Variants in CLDN14 observed in about 807,000 individuals in gnomAD.
The protein encoded by CLDN14 is claudin 14.
A neutral mutation model predicts 2.1 loss-of-function variants in CLDN14; 2 were observed. The observed-to-expected ratio is 0.96, with a 90% CI of 0.39 to 3.01. CLDN14 has a LOEUF of 3.01. Among genes scored for constraint, CLDN14 ranks in the 30% most tolerant of loss-of-function variants. CLDN14 has a pLI of 0.09. For synonymous variants in CLDN14, 136 were observed against 154.4 expected (o/e 0.88, Z 0.88); for missense variants, 298 against 328.0 (o/e 0.91, Z 0.71).
At chr21:36,509,711 T>A (rs1421140299) in intron 2 of CLDN14, among the ~76,000 whole-genome samples, 2 of 152,176 alleles carry the variant, frequency 1.3e-5, no homozygotes, top group African/African-American at 4.8e-5. Context: ...TTCTAATGCG[T>A]CAGCCTCCCG....
In CLDN14 at chr21:36,508,650, C is replaced by T. The variant is rs150081186; in HGVS notation, c.-82+1713G>A. ...AGAGGGCAAGCAAGCACAGAGCCAC[C>T]CTCTACAAGGACACCGGAGCACTGA... is the stretch of plus-strand genomic sequence containing the variant. On this transcript the variant is annotated intron_variant, in intron 2 of 2. Coordinates refer to the CLDN14 transcript ENST00000342108. Among the ~76,000 whole-genome samples, 1,467 of 152,300 alleles carry T rather than the reference C, an allele frequency of 9.6e-3. 7 individuals carry two copies. Among genetic ancestry groups the T allele is most frequent in the Non-Finnish European group, 0.015 (1,017 of 68,032 alleles).
chr21:36,473,994 A>C (rs2086743208), intron 1 of CLDN14, among the ~76,000 whole-genome samples: 1 of 152,216 alleles, frequency 6.6e-6, no homozygotes. Flanking sequence ...GACCTTGATA[A>C]GCTCAGTTTC....
chr21:36,466,434 T>G (rs2086647260), intron 1 of CLDN14: 1 of 152,162 alleles, frequency 6.6e-6, no homozygotes. Flanking sequence ...AAACACATCC[T>G]CTTTACATGG....
intron 1 of CLDN14, among the ~76,000 whole-genome samples, chr21:36,469,878 A>T (rs2086688454): frequency 6.6e-6 from 1 of 152,198 alleles, no homozygotes; most frequent in African/African-American, 2.4e-5. Context: ...ACTTAAATAC[A>T]TGAGTGCCTT....
chr21:36,522,628 C>T (rs555331591), intron 1 of CLDN14, among the ~76,000 whole-genome samples: 2 of 152,208 alleles, frequency 1.3e-5, no homozygotes, highest in African/African-American at 4.8e-5. Flanking sequence ...GGGAGGTAAC[C>T]GGAGAACAGC....
At chr21:36,557,096 A>G (rs890230997) in intron 1 of CLDN14, among the ~76,000 whole-genome samples, 6 of 152,196 alleles carry the variant, frequency 3.9e-5, no homozygotes, top group African/African-American at 1.4e-4. Context: ...CTCCAAATTT[A>G]TCTATGTTGT....
intron 1 of CLDN14, among the ~76,000 whole-genome samples, chr21:36,517,304 G>A (rs1364824454): frequency 6.6e-6 from 1 of 152,198 alleles, no homozygotes; most frequent in Non-Finnish European, 1.5e-5. Flanking sequence ...TACCACTATA[G>A]TGCTGAGTAG....
chr21:36,493,203 G>A (rs895155040), intron 2 of CLDN14, among the ~76,000 whole-genome samples: 2 of 152,138 alleles, frequency 1.3e-5, no homozygotes, highest in African/African-American at 4.8e-5. Context: ...GCAGCTGTGA[G>A]GGGCTGTGAG....
At chr21:36,496,633 C>G (rs1332112578) in intron 2 of CLDN14, among the ~76,000 whole-genome samples, 1 of 141,430 alleles carries the variant, frequency 7.1e-6, no homozygotes, top group Non-Finnish European at 1.5e-5. Flanking sequence ...GCTTGCAAAT[C>G]ACTCAGGATA....
chr21:36,491,114 C>T (rs2086960140), intron 2 of CLDN14, among the ~76,000 whole-genome samples: 1 of 152,192 alleles, frequency 6.6e-6, no homozygotes, highest in African/African-American at 2.4e-5. Context: ...ATCTCCTCCC[C>T]TGTTTTTAGT....
At chr21:36,569,124 G>A (rs969748963) in intron 1 of CLDN14, among the ~76,000 whole-genome samples, 2 of 152,184 alleles carry the variant, frequency 1.3e-5, no homozygotes, top group Non-Finnish European at 2.9e-5. Context: ...CTAAAAATTA[G>A]TAAATAGTCT....
chr21:36,496,710 GA>G (rs2087021838), intron 2 of CLDN14, among the ~76,000 whole-genome samples: 2 of 82,266 alleles, frequency 2.4e-5, no homozygotes, highest in Non-Finnish European at 4.7e-5. Flanking sequence ...AGGAAGGGAG[GA>G]GGGGAGGAAG....
At chr21:36,489,513 G>C (rs1388827610) in intron 2 of CLDN14, among the ~76,000 whole-genome samples, 10 of 152,134 alleles carry the variant, frequency 6.6e-5, no homozygotes, top group Non-Finnish European at 1.5e-5. Flanking sequence ...CTGTGGGAAG[G>C]CCTCACCAGC....
intron 1 of CLDN14, among the ~76,000 whole-genome samples, chr21:36,543,664 C>T (rs1010626758): frequency 6.6e-6 from 1 of 152,178 alleles, no homozygotes; most frequent in Non-Finnish European, 1.5e-5. Context: ...CAAAAGAGTA[C>T]AATTGAGGCA....
chr21:36,559,587 A>T (rs937065934), intron 1 of CLDN14, among the ~76,000 whole-genome samples: 4 of 152,232 alleles, frequency 2.6e-5, no homozygotes, highest in Non-Finnish European at 5.9e-5. Context: ...GATAACATGG[A>T]TGAATTCATT....
intron 1 of CLDN14, among the ~76,000 whole-genome samples, chr21:36,564,877 G>A (rs1013774936): frequency 3.9e-5 from 6 of 152,152 alleles, no homozygotes; most frequent in Non-Finnish European, 8.8e-5. Context: ...CACTTTGAAG[G>A]TGGAGAAAGG....
intron 1 of CLDN14, among the ~76,000 whole-genome samples, chr21:36,510,845 C>T (rs761817079): frequency 6.6e-5 from 10 of 152,204 alleles, no homozygotes; most frequent in African/African-American, 1.9e-4. Flanking sequence ...GTGTTGGGGA[C>T]GCCAGTAAAG....
chr21:36,496,051 G>A (rs2087014007), intron 2 of CLDN14, among the ~76,000 whole-genome samples: 1 of 152,148 alleles, frequency 6.6e-6, no homozygotes, highest in Non-Finnish European at 1.5e-5. Flanking sequence ...TTCCAGAACT[G>A]GGAGTAAATT....
At chr21:36,505,014 G>A (rs1418973341) in intron 2 of CLDN14, among the ~76,000 whole-genome samples, 1 of 152,034 alleles carries the variant, frequency 6.6e-6, no homozygotes, top group Non-Finnish European at 1.5e-5. Flanking sequence ...TTCCCTGCTG[G>A]GTGAGAATCA....
Sources: gnomAD v4.1 joint callset for allele counts (sites outside exome capture counted in the v4.1 genomes callset) on GRCh38, gnomAD v4.1.1 for gene constraint, MANE v1.5 for transcripts, NCBI Gene and HGNC (gene_info 2026-07-23, HGNC 2026-07-21) for gene names.